The following STAU1 variants were observed in gnomAD, a reference collection of about 807,000 sequenced individuals.
STAU1 encodes staufen double-stranded RNA binding protein 1, also known as double-stranded RNA-binding protein Staufen homolog 1.
A neutral mutation model predicts 62.9 loss-of-function variants in STAU1; 13 were observed. That is an observed-to-expected ratio of 0.21 (90% CI 0.13 to 0.33). STAU1 has a LOEUF of 0.33. Ranked by LOEUF, STAU1 falls within the 10% of genes least tolerant of loss-of-function variation. The pLI, the probability that STAU1 is intolerant of heterozygous loss-of-function variation, is 1.00. For synonymous variants in STAU1, 269 were observed against 265.1 expected, an observed-to-expected ratio of 1.01 and a Z score of -0.14; for missense variants, 571 against 712.1, an observed-to-expected ratio of 0.80 and a Z score of 2.25.
intron 9 of STAU1, among the ~76,000 whole-genome samples, chr20:49,119,021 C>CATGACTGATGCTGTTTCTGTCAAT (rs1165668427): frequency 6.6e-6 from 1 of 152,112 alleles, no homozygotes; most frequent in Non-Finnish European, 1.5e-5. Context: ...ATTAACTGGC[C>CATGACTGATGCTGTTTCTGTCAAT]ATGACTGATG....
chr20:49,149,233 A>C (rs972325923), intron 5 of STAU1, among the ~76,000 whole-genome samples: 8 of 146,178 alleles, frequency 5.5e-5, no homozygotes, highest in Middle Eastern at 3.4e-3. Context: ...CCTGGGTGAC[A>C]GGGAGAGACT....
At chr20:49,124,254 G>C in intron 7 of STAU1, 121 bp downstream of exon 7, 1 of 990,366 alleles carries the variant, frequency 1.0e-6, no homozygotes, top group East Asian at 2.4e-5. Context: ...GGGTCTGGCA[G>C]GCCTGGGGTG....
intron 3 of STAU1, 85 bp from the exon 4 acceptor site, chr20:49,154,156 G>A: frequency 7.3e-7 from 1 of 1,373,668 alleles, no homozygotes; most frequent in Non-Finnish European, 9.8e-7. Flanking sequence ...CATGCTTTCT[G>A]CTAATTGGAT....
At chr20:49,182,731 C>T (rs920774610) in intron 1 of STAU1, among the ~76,000 whole-genome samples, 6 of 151,196 alleles carry the variant, frequency 4.0e-5, no homozygotes, top group Admixed American at 1.3e-4. Flanking sequence ...CCCAGCTACT[C>T]GAGAGGCTGA....
intron 3 of STAU1, among the ~76,000 whole-genome samples, chr20:49,163,187 T>C (rs2093475536): frequency 6.6e-6 from 1 of 150,496 alleles, no homozygotes; most frequent in African/African-American, 2.4e-5. Flanking sequence ...CGAGACTCCA[T>C]TTCAAAAAAA....
the STAU1 span, among the ~76,000 whole-genome samples, chr20:49,198,060 A>C: frequency 6.6e-6 from 1 of 152,212 alleles, no homozygotes; most frequent in Non-Finnish European, 1.5e-5. Flanking sequence ...AGAAAAACAA[A>C]TGGGCAAAAG....
chr20:49,196,191 C>T, the STAU1 span, among the ~76,000 whole-genome samples: 9 of 150,662 alleles, frequency 6.0e-5, no homozygotes, highest in Non-Finnish European at 1.5e-5. Flanking sequence ...AATCCCAGCA[C>T]ATTGGGAGGC....
chr20:49,197,623 A>G, the STAU1 span, among the ~76,000 whole-genome samples: 2 of 151,828 alleles, frequency 1.3e-5, no homozygotes, highest in African/African-American at 4.8e-5. Context: ...GCTGGTCTCG[A>G]ACTCCCGACC....
intron 4 of STAU1, among the ~76,000 whole-genome samples, chr20:49,152,245 T>C (rs909918614): frequency 6.6e-6 from 1 of 151,834 alleles, no homozygotes; most frequent in African/African-American, 2.4e-5. Flanking sequence ...CAGTTTCTTA[T>C]CCATTTCATA....
chr20:49,154,603 C>T (rs181869097), intron 3 of STAU1, among the ~76,000 whole-genome samples: 4 of 152,072 alleles, frequency 2.6e-5, no homozygotes, highest in Admixed American at 6.6e-5. Context: ...TGGTGGCTCA[C>T]GCCTGTAATC....
chr20:49,127,824 G>A (rs192667486), intron 6 of STAU1, among the ~76,000 whole-genome samples: 2 of 151,802 alleles, frequency 1.3e-5, no homozygotes, highest in Admixed American at 1.3e-4. Context: ...ACCAGCCTGG[G>A]CAACATGGCA....
At chr20:49,144,688 G>A (rs537546556) in intron 5 of STAU1, among the ~76,000 whole-genome samples, 4 of 152,270 alleles carry the variant, frequency 2.6e-5, no homozygotes, top group African/African-American at 9.6e-5. Context: ...TCAAAAGATG[G>A]TGTCTCTAGT....
intron 3 of STAU1, 97 bp downstream of exon 3, chr20:49,165,900 G>T: frequency 8.0e-7 from 1 of 1,254,300 alleles, no homozygotes; most frequent in South Asian, 1.3e-5. Flanking sequence ...GCTTTTTGAA[G>T]GTAAATGTGA....
chr20:49,117,490 T>C lies in STAU1; in HGVS notation c.1510-242A>G, dbSNP rs1486380220. On this transcript the variant is annotated intron_variant, in intron 11 of 13. Coordinates refer to ENST00000371856, the MANE Select transcript of STAU1 (RefSeq NM_017453.4). This position sits in a 1 kb window ranked among gnomAD's most constrained non-coding sequence, Gnocchi z 4.6. ...TACCAGACAGAAAGTGTCAGCACGA[T>C]GAGTCTGTTCTTTGAAATCCAAATT... 6.6e-6 allele frequency among the ~76,000 whole-genome samples: 1 copy of C among 152,234 alleles called. No homozygotes were observed. Among genetic ancestry groups the C allele is most frequent in the Non-Finnish European group, 1.5e-5 (1 of 68,044 alleles).
the STAU1 span, among the ~76,000 whole-genome samples, chr20:49,214,355 T>C: frequency 1.3e-5 from 2 of 151,934 alleles, no homozygotes; most frequent in African/African-American, 4.8e-5. Flanking sequence ...CCGTCACTAC[T>C]AAACATACAA....
Position 49,119,909 on chromosome 20 carries a change from C to G in STAU1, c.1113+73G>C, listed in dbSNP as rs1475762779. 2.0e-6 allele frequency: 3 copies of G among 1,537,694 alleles called. No homozygotes were observed. In the Admixed American group the frequency reaches 5.8e-5, roughly 30 times the overall value. Reference sequence around the variant, plus strand: ...AGATAAAGCCTTGCCTTGAAGCCTGCCCCTGGAGGTGCCCCAGTTCCCTAG... The same window carrying G: ...AGATAAAGCCTTGCCTTGAAGCCTGGCCCTGGAGGTGCCCCAGTTCCCTAG... On this transcript the variant is annotated intron_variant, in intron 9 of 13. Coordinates refer to ENST00000371856, the MANE Select transcript of STAU1 (RefSeq NM_017453.4).
chr20:49,183,567 A>C (rs925300803), intron 1 of STAU1, among the ~76,000 whole-genome samples: 4 of 152,216 alleles, frequency 2.6e-5, no homozygotes, highest in African/African-American at 9.6e-5. Flanking sequence ...CAATCCAGTA[A>C]AAAGGCTCAA....
chr20:49,207,602 G>A, the STAU1 span, among the ~76,000 whole-genome samples: 7 of 150,782 alleles, frequency 4.6e-5, no homozygotes, highest in Non-Finnish European at 7.4e-5. Flanking sequence ...TGCAACCTCC[G>A]CCTCCCAGGT....
chr20:49,193,923 C>T, the STAU1 span, among the ~76,000 whole-genome samples: 7 of 151,034 alleles, frequency 4.6e-5, no homozygotes, highest in African/African-American at 7.3e-5. Flanking sequence ...GAGCAGAGAT[C>T]GCCACAATGC....
Sources: gnomAD v4.1 joint callset for allele counts (sites outside exome capture counted in the v4.1 genomes callset) on GRCh38, gnomAD v4.1.1 for gene constraint, Gnocchi (gnomAD v3.1) non-coding constraint, MANE v1.5 for transcripts, NCBI Gene and HGNC (gene_info 2026-07-23, HGNC 2026-07-21) for gene names.